The following PHKB variants were observed in gnomAD, a reference collection of about 807,000 sequenced individuals.
The protein encoded by PHKB is phosphorylase b kinase regulatory subunit beta.
In PHKB, 122 loss-of-function variants were observed where a neutral mutation model predicts 152.1. The ratio of observed to expected loss-of-function variants is 0.80; its 90% CI spans 0.69 to 0.93. The LOEUF (loss-of-function observed/expected upper bound fraction) is 0.93. Among genes scored for constraint, PHKB ranks in the 40% least tolerant of loss-of-function variants. The pLI is 0.00. For synonymous variants in PHKB, 436 were observed against 464.9 expected (o/e 0.94, Z 0.80); for missense variants, 1,304 against 1,328.4 (o/e 0.98, Z 0.29).
At chr16:47,582,291 A>G (rs1405505060) in intron 8 of PHKB, among the ~76,000 whole-genome samples, 1 of 152,118 alleles carries the variant, frequency 6.6e-6, no homozygotes. Flanking sequence ...ACATACCTGT[A>G]TGCACCCCTT....
In PHKB at chr16:47,610,811, CCTT is replaced by C. The variant is rs779070389; in HGVS notation, c.1364-11_1364-9del. 3.4e-5 allele frequency: 50 copies of C among 1,489,286 alleles called. No individual in the cohort carries two copies. In the African/African-American group the frequency reaches 6.6e-4, roughly 20 times the overall value. 92.3% of individuals were successfully genotyped at this position (1,489,286 alleles called of 1,614,324 possible). On this transcript the variant is annotated splice_polypyrimidine_tract_variant and intron_variant, in intron 13 of 30. Transcript: ENST00000323584. The stretch of plus-strand genomic sequence containing the variant: ...AATGCATTTTCGATAATGTCATTCC[CCTT>C]CTTTTTTTCAGCTGATGAACTTATT...
At chr16:47,530,336 C>T (rs1447629497) in intron 6 of PHKB, among the ~76,000 whole-genome samples, 1 of 151,916 alleles carries the variant, frequency 6.6e-6, no homozygotes, top group Non-Finnish European at 1.5e-5. Context: ...TGGTTTCGCC[C>T]ACCCAGTAGA....
intron 7 of PHKB, among the ~76,000 whole-genome samples, chr16:47,575,242 A>G (rs533537534): frequency 6.6e-6 from 1 of 152,224 alleles, no homozygotes; most frequent in Non-Finnish European, 1.5e-5. Context: ...ACACTGATAC[A>G]TTGTTGGTGG....
intron 10 of PHKB, among the ~76,000 whole-genome samples, chr16:47,589,387 G>A (rs1032752458): frequency 1.3e-5 from 2 of 152,148 alleles, no homozygotes; most frequent in African/African-American, 4.8e-5. Context: ...TACCAGTGAG[G>A]TATTTACTGA....
intron 6 of PHKB, among the ~76,000 whole-genome samples, chr16:47,542,842 A>T (rs970419876): frequency 1.3e-5 from 2 of 152,162 alleles, no homozygotes; most frequent in East Asian, 1.9e-4. Context: ...ATTTTTGCAC[A>T]TTGATTTTGT....
At chr16:47,603,397 T>C (rs1278233563) in intron 13 of PHKB, among the ~76,000 whole-genome samples, 1 of 152,210 alleles carries the variant, frequency 6.6e-6, no homozygotes, top group Non-Finnish European at 1.5e-5. Context: ...TAAAGTGGGA[T>C]TTCTGTGCAG....
chr16:47,694,686 A>T (rs537799364), intron 28 of PHKB, among the ~76,000 whole-genome samples: 1 of 152,220 alleles, frequency 6.6e-6, no homozygotes, highest in Non-Finnish European at 1.5e-5. Flanking sequence ...TGGGTGCCCT[A>T]TGATTACTGT....
chr16:47,513,700 G>A (rs1213544909), intron 5 of PHKB, among the ~76,000 whole-genome samples: 4 of 152,222 alleles, frequency 2.6e-5, no homozygotes, highest in Admixed American at 1.3e-4. Context: ...CACTGGAGCT[G>A]TCAGAGGGAA....
At chr16:47,598,873 T>C in intron 13 of PHKB, 2 of 1,604,862 alleles carry the variant, frequency 1.2e-6, no homozygotes, top group Non-Finnish European at 1.7e-6. Flanking sequence ...ATACTTTCTA[T>C]ATGCTGCATT....
chr16:47,694,459 G>C (rs1364598464), intron 28 of PHKB, among the ~76,000 whole-genome samples: 1 of 152,072 alleles, frequency 6.6e-6, no homozygotes, highest in Non-Finnish European at 1.5e-5. Flanking sequence ...ATAGGAAATT[G>C]GTAGTATTCT....
chr16:47,576,137 C>G (rs1218968415), intron 7 of PHKB, among the ~76,000 whole-genome samples: 1 of 152,104 alleles, frequency 6.6e-6, no homozygotes, highest in Non-Finnish European at 1.5e-5. Context: ...TCACTATGCA[C>G]TATTTCCATG....
intron 1 of PHKB, among the ~76,000 whole-genome samples, chr16:47,482,797 T>G (rs1409036292): frequency 6.6e-6 from 1 of 152,122 alleles, no homozygotes; most frequent in Non-Finnish European, 1.5e-5. Flanking sequence ...CTCCGCTCAC[T>G]GCAACCTCTG....
At chr16:47,665,641 C>T (rs760211213) in intron 25 of PHKB, 43 of 443,984 alleles carry the variant, frequency 9.7e-5, no homozygotes, top group Non-Finnish European at 1.7e-4. Context: ...CACCCTCCCT[C>T]CCTAATCAAA....
intron 12 of PHKB, among the ~76,000 whole-genome samples, chr16:47,595,517 G>A (rs1341805548): frequency 1.3e-5 from 2 of 152,094 alleles, no homozygotes; most frequent in African/African-American, 4.8e-5. Context: ...TGGTCACGGG[G>A]GAGATGGCTT....
At position 47,486,696 on chromosome 16, in the gene PHKB, C is replaced by T. The variant is rs570382253; in HGVS notation, c.77-10703C>T. 2.0e-5 allele frequency among the ~76,000 whole-genome samples: 3 copies of T among 152,242 alleles called. No individual in the cohort carries two copies. In the South Asian group the frequency reaches 6.2e-4, roughly 32 times the overall value. ...TGTATGAGTACCCGGAATATACAAA[C>T]CTCATGGAACTATGGGACTCTTTGA... On this transcript the variant is annotated intron_variant, in intron 1 of 30. Coordinates refer to ENST00000323584, the MANE Select transcript of PHKB (RefSeq NM_000293.3).
intron 8 of PHKB, among the ~76,000 whole-genome samples, chr16:47,584,114 T>C (rs1486069748): frequency 2.6e-5 from 4 of 152,064 alleles, no homozygotes; most frequent in South Asian, 4.1e-4. Flanking sequence ...TTATTTTTCT[T>C]TGGGACACTG....
chr16:47,524,849 A>C (rs1970740410), intron 6 of PHKB, among the ~76,000 whole-genome samples: 1 of 152,150 alleles, frequency 6.6e-6, no homozygotes, highest in Non-Finnish European at 1.5e-5. Flanking sequence ...CCTGACTGGG[A>C]AGTCTTAAAA....
intron 15 of PHKB, 143 bp from the exon 16 acceptor site, chr16:47,641,456 A>T: frequency 1.5e-6 from 1 of 657,446 alleles, no homozygotes; most frequent in Admixed American, 2.2e-5. Flanking sequence ...TCTGAAATCT[A>T]GTGCAGATGG....
intron 12 of PHKB, 58 bp from the exon 13 acceptor site, chr16:47,596,315 T>G: frequency 2.5e-6 from 3 of 1,222,134 alleles, no homozygotes; most frequent in Non-Finnish European, 3.6e-6. Context: ...ATTAGTAGCA[T>G]GAGAATGGAC....
Sources: allele counts gnomAD v4.1 joint callset (sites outside exome capture counted in the v4.1 genomes callset), GRCh38; gene constraint gnomAD v4.1.1; transcripts MANE v1.5; gene names NCBI Gene and HGNC (gene_info 2026-07-23, HGNC 2026-07-21).